Variants in WWOX observed in about 807,000 individuals in gnomAD.
WWOX encodes WW domain containing oxidoreductase.
A neutral mutation model predicts 46.2 loss-of-function variants in WWOX; 69 were observed. That is an observed-to-expected ratio of 1.49 (90% CI 1.23 to 1.82). The LOEUF (loss-of-function observed/expected upper bound fraction) is 1.82, where lower values mean the gene tolerates loss of function less well. Among genes scored for constraint, WWOX ranks in the 40% most tolerant of loss-of-function variants. The probability of loss-of-function intolerance (pLI) is 0.00; values close to 1 mark genes in which losing one functional copy is unlikely to be tolerated. For synonymous variants in WWOX, 359 were observed against 202.6 expected, an observed-to-expected ratio of 1.77 and a Z score of -6.56; for missense variants, 919 against 542.6, an observed-to-expected ratio of 1.69 and a Z score of -6.89.
intron 8 of WWOX, among the ~76,000 whole-genome samples, chr16:79,011,135 CCACACACACACACACACACACACA>C (rs10611855): frequency 2.1e-5 from 3 of 146,212 alleles, no homozygotes; most frequent in Admixed American, 1.4e-4. Context: ...ACTCACACAT[CCACACACACACACACACACACACA>C]CACACACACA....
chr16:78,922,979 C>CTTCTCTTT (rs1567651638), intron 8 of WWOX, among the ~76,000 whole-genome samples: 1 of 111,650 alleles, frequency 9.0e-6, no homozygotes, highest in East Asian at 2.5e-4. Flanking sequence ...AATTCTTTCT[C>CTTCTCTTT]TTTTCTTTTT....
chr16:78,171,297 A>G (rs558094480), intron 5 of WWOX, among the ~76,000 whole-genome samples: 2 of 152,162 alleles, frequency 1.3e-5, no homozygotes, highest in Non-Finnish European at 2.9e-5. Context: ...ACTTTTAAAG[A>G]CTTCTGCAAA....
At chr16:78,961,654 T>G (rs1281816663) in intron 8 of WWOX, among the ~76,000 whole-genome samples, 1 of 152,162 alleles carries the variant, frequency 6.6e-6, no homozygotes, top group East Asian at 1.9e-4. Flanking sequence ...ATCTTCCAGC[T>G]TCACGTGCAA....
At chr16:78,903,083 AAG>A (rs2044869988) in intron 8 of WWOX, among the ~76,000 whole-genome samples, 2 of 152,184 alleles carry the variant, frequency 1.3e-5, no homozygotes, top group African/African-American at 4.8e-5. Flanking sequence ...GGTTTATTGA[AAG>A]CAAAACTACA....
At chr16:78,565,010 C>G (rs1053182399) in intron 8 of WWOX, among the ~76,000 whole-genome samples, 11 of 152,082 alleles carry the variant, frequency 7.2e-5, no homozygotes, top group Non-Finnish European at 1.0e-4. Context: ...ATTGTTGGAG[C>G]CCTAGGAACC....
At chr16:79,196,796 G>C (rs571777767) in intron 8 of WWOX, among the ~76,000 whole-genome samples, 8 of 152,176 alleles carry the variant, frequency 5.3e-5, no homozygotes, top group Non-Finnish European at 1.0e-4. Context: ...CTATTTTCAA[G>C]GATACAGAGC....
At chr16:79,132,879 C>G (rs182324037) in intron 8 of WWOX, among the ~76,000 whole-genome samples, 201 of 152,296 alleles carry the variant, frequency 1.3e-3, no homozygotes, top group African/African-American at 3.8e-3. Context: ...ATGCTTCAAA[C>G]CACGATTTAA....
chr16:78,850,971 C>T (rs563050443), intron 8 of WWOX, among the ~76,000 whole-genome samples: 3 of 152,302 alleles, frequency 2.0e-5, no homozygotes, highest in East Asian at 3.9e-4. Context: ...TCTCAGTATT[C>T]TGGGTCTCTC....
intron 8 of WWOX, among the ~76,000 whole-genome samples, chr16:78,684,590 AG>A (rs1295007179): frequency 6.6e-6 from 1 of 152,156 alleles, no homozygotes; most frequent in Non-Finnish European, 1.5e-5. Flanking sequence ...CCTGGGGTGG[AG>A]AAGCCATGTG....
At chr16:78,818,636 C>G (rs183529798) in intron 8 of WWOX, among the ~76,000 whole-genome samples, 7 of 152,280 alleles carry the variant, frequency 4.6e-5, no homozygotes, top group Non-Finnish European at 1.0e-4. Flanking sequence ...GAGACTGAGG[C>G]AGGAGGATCA....
At chr16:78,255,253 G>T (rs1431951165) in intron 5 of WWOX, among the ~76,000 whole-genome samples, 1 of 152,182 alleles carries the variant, frequency 6.6e-6, no homozygotes, top group Admixed American at 6.5e-5. Flanking sequence ...ATGTTTATGA[G>T]CTTACAGAAC....
intron 8 of WWOX, among the ~76,000 whole-genome samples, chr16:78,482,641 T>C (rs759630604): frequency 5.3e-5 from 8 of 152,214 alleles, no homozygotes; most frequent in Non-Finnish European, 1.2e-4. Flanking sequence ...GTGGCTACTA[T>C]AATTATCCTG....
chr16:78,329,064 T>A (rs7189808), intron 5 of WWOX, among the ~76,000 whole-genome samples: 2,024 of 152,206 alleles, frequency 0.013, 51 homozygotes, highest in African/African-American at 0.047. Context: ...TTTCAGCATG[T>A]TCGCCAGGCT....
At chr16:78,951,554 T>G (rs2046060393) in intron 8 of WWOX, among the ~76,000 whole-genome samples, 1 of 152,042 alleles carries the variant, frequency 6.6e-6, no homozygotes, top group African/African-American at 2.4e-5. Context: ...GGGACATGGG[T>G]ATTAAAAAGA....
intron 8 of WWOX, among the ~76,000 whole-genome samples, chr16:78,650,002 C>G (rs2046930913): frequency 6.6e-6 from 1 of 152,068 alleles, no homozygotes. Context: ...ATATTTTTTT[C>G]TTTCAATTAC....
intron 8 of WWOX, among the ~76,000 whole-genome samples, chr16:78,674,626 A>G (rs1403828525): frequency 6.6e-6 from 1 of 152,100 alleles, no homozygotes. Context: ...CCTAACCACT[A>G]GGTTCCACAC....
chr16:78,412,600 T>G (rs2082707778), intron 6 of WWOX, among the ~76,000 whole-genome samples: 1 of 151,368 alleles, frequency 6.6e-6, no homozygotes. Context: ...GGTCCAAGAG[T>G]GGATGGTATC....
intron 8 of WWOX, among the ~76,000 whole-genome samples, chr16:78,707,850 TAA>T (rs2048356309): frequency 7.4e-6 from 1 of 135,646 alleles, no homozygotes; most frequent in Admixed American, 7.2e-5. Context: ...TATAAATAAA[TAA>T]ATAAATAAAT....
intron 6 of WWOX, among the ~76,000 whole-genome samples, chr16:78,407,531 A>G (rs1331417742): frequency 3.9e-5 from 6 of 152,154 alleles, no homozygotes; most frequent in Non-Finnish European, 8.8e-5. Context: ...TGTGTAACTC[A>G]ACCCCATGGT....
Sources: allele counts gnomAD v4.1 joint callset (sites outside exome capture counted in the v4.1 genomes callset), GRCh38; gene constraint gnomAD v4.1.1; transcripts MANE v1.5; gene names NCBI Gene and HGNC (gene_info 2026-07-23, HGNC 2026-07-21).